The following PPFIBP1 variants were observed in gnomAD, a reference collection of about 807,000 sequenced individuals.
PPFIBP1 encodes the protein PPFIB scaffold protein 1, also known as liprin-beta-1.
In PPFIBP1, 112 loss-of-function variants were observed where a neutral mutation model predicts 137.8. The observed-to-expected ratio is 0.81, with a 90% CI of 0.70 to 0.95. The LOEUF (loss-of-function observed/expected upper bound fraction) is 0.95. Among genes scored for constraint, PPFIBP1 ranks in the 40% least tolerant of loss-of-function variants. The pLI is 0.00. For missense variants in PPFIBP1, 1,083 were observed against 1,196.6 expected, an observed-to-expected ratio of 0.91 and a Z score of 1.40; for synonymous variants, 378 against 417.3, an observed-to-expected ratio of 0.91 and a Z score of 1.15.
chr12:27,668,988 AT>A (rs987581630), intron 13 of PPFIBP1, among the ~76,000 whole-genome samples: 1 of 151,410 alleles, frequency 6.6e-6, no homozygotes, highest in Non-Finnish European at 1.5e-5. Context: ...TTTTAGTGTA[AT>A]TTTTTTTTGT....
At chr12:27,611,135 A>G (rs1333190293) in intron 2 of PPFIBP1, among the ~76,000 whole-genome samples, 3 of 152,206 alleles carry the variant, frequency 2.0e-5, no homozygotes, top group Non-Finnish European at 2.9e-5. Flanking sequence ...ATTGAATTTC[A>G]TTACTGGGGC....
intron 1 of PPFIBP1, among the ~76,000 whole-genome samples, chr12:27,550,231 C>T (rs1443834378): frequency 1.3e-5 from 2 of 152,126 alleles, no homozygotes; most frequent in Non-Finnish European, 1.5e-5. Context: ...TCCAAGGCTC[C>T]GGGTGGGGTG....
chr12:27,670,788 A>ATACT (rs57738136), intron 13 of PPFIBP1, among the ~76,000 whole-genome samples: 1 of 134,286 alleles, frequency 7.4e-6, no homozygotes, highest in East Asian at 2.1e-4. Context: ...CAAAAAAAAA[A>ATACT]AAAAAAAATA....
chr12:27,611,520 C>T (rs2055109949), intron 2 of PPFIBP1, among the ~76,000 whole-genome samples: 1 of 152,122 alleles, frequency 6.6e-6, no homozygotes. Context: ...ATGCTGAGGT[C>T]CTGGGGCTTA....
intron 2 of PPFIBP1, among the ~76,000 whole-genome samples, chr12:27,606,471 G>A (rs955778594): frequency 3.9e-5 from 6 of 152,150 alleles, no homozygotes; most frequent in Non-Finnish European, 7.3e-5. Flanking sequence ...CCATTTGATA[G>A]CTATTTTGAT....
At chr12:27,606,084 ATAAT>A (rs1022727264) in intron 2 of PPFIBP1, among the ~76,000 whole-genome samples, 6 of 152,356 alleles carry the variant, frequency 3.9e-5, no homozygotes, top group African/African-American at 9.6e-5. Context: ...GAAAGGATTA[ATAAT>A]TAATTAATAA....
At chr12:27,591,625 A>G (rs1346726666) in intron 2 of PPFIBP1, among the ~76,000 whole-genome samples, 2 of 152,226 alleles carry the variant, frequency 1.3e-5, no homozygotes, top group African/African-American at 4.8e-5. Context: ...TACTTGCAAC[A>G]ACAGTAATAA....
At chr12:27,612,747 T>C (rs1446384569) in intron 2 of PPFIBP1, among the ~76,000 whole-genome samples, 1 of 152,136 alleles carries the variant, frequency 6.6e-6, no homozygotes. Context: ...GGCCCTGAAA[T>C]ACAATCCTAT....
intron 4 of PPFIBP1, among the ~76,000 whole-genome samples, chr12:27,643,907 G>GA (rs2058285611): frequency 7.2e-6 from 1 of 138,832 alleles, no homozygotes; most frequent in Admixed American, 7.2e-5. Flanking sequence ...ACAGTACTGA[G>GA]AAAAATAAAT....
intron 1 of PPFIBP1, among the ~76,000 whole-genome samples, chr12:27,550,475 G>T (rs1592394271): frequency 6.6e-6 from 1 of 152,186 alleles, no homozygotes; most frequent in Non-Finnish European, 1.5e-5. Context: ...ACCATCTCCT[G>T]TACACAAGAC....
intron 1 of PPFIBP1, among the ~76,000 whole-genome samples, chr12:27,529,176 G>A (rs1944120503): frequency 1.3e-5 from 2 of 152,172 alleles, no homozygotes; most frequent in South Asian, 4.1e-4. Flanking sequence ...CCACCATCAC[G>A]TTTGGGGCTG....
At chr12:27,661,631 G>A (rs2059559366) in intron 11 of PPFIBP1, among the ~76,000 whole-genome samples, 1 of 152,192 alleles carries the variant, frequency 6.6e-6, no homozygotes, top group Admixed American at 6.5e-5. Flanking sequence ...GATGTCATCA[G>A]AACTTCTCTC....
Position 27,676,519 on chromosome 12 carries a change from C to G in PPFIBP1, c.1502C>G (p.Thr501Ser), listed in dbSNP as rs201179220. The G allele has an allele frequency of 1.2e-6, 2 of 1,610,188 alleles. No homozygotes were observed. Among genetic ancestry groups the G allele is most frequent in the Non-Finnish European group, 1.7e-6 (2 of 1,177,716 alleles). Residue 501 changes from threonine to serine, a missense_variant, in exon 18 of 30, where the codon ACT (threonine) becomes AGT (serine). Coordinates refer to ENST00000228425, the MANE Select transcript of PPFIBP1 (RefSeq NM_003622.4). ...TCCATGGATGACAACCCCTTCGGCA[C>G]TCGAAAAGTCAGATCTTCCTTTGGC... ...DTSMDDNPFG[T>S]RKVRSSFGRG...
At chr12:27,691,990 C>A in intron 28 of PPFIBP1, 62 bp downstream of exon 28, 2 of 1,350,814 alleles carry the variant, frequency 1.5e-6, no homozygotes, top group Non-Finnish European at 2.0e-6. Flanking sequence ...TAAATGGGAA[C>A]TTTGTATACT....
chr12:27,564,446 T>C (rs952914639), intron 1 of PPFIBP1, among the ~76,000 whole-genome samples: 1 of 152,216 alleles, frequency 6.6e-6, no homozygotes, highest in Non-Finnish European at 1.5e-5. Flanking sequence ...ATTTACCAAG[T>C]CTGGTCTTGT....
intron 2 of PPFIBP1, among the ~76,000 whole-genome samples, chr12:27,617,153 A>C (rs889933537): frequency 6.6e-6 from 1 of 152,238 alleles, no homozygotes; most frequent in African/African-American, 2.4e-5. Context: ...AAAGACATCC[A>C]ATAGAGGTGG....
At chr12:27,638,059 TG>T (rs2057811158) in intron 4 of PPFIBP1, among the ~76,000 whole-genome samples, 1 of 151,208 alleles carries the variant, frequency 6.6e-6, no homozygotes, top group Non-Finnish European at 1.5e-5. Context: ...CTGAGGGGAG[TG>T]GGGAATGGGA....
chr12:27,600,784 A>T (rs1251754412), intron 2 of PPFIBP1, among the ~76,000 whole-genome samples: 1 of 152,214 alleles, frequency 6.6e-6, no homozygotes, highest in African/African-American at 2.4e-5. Context: ...AGTACTTAAT[A>T]CTACTGAACT....
At chr12:27,548,050 TATAAC>T (rs1222473837) in intron 1 of PPFIBP1, 3 of 152,302 alleles carry the variant, frequency 2.0e-5, no homozygotes, top group African/African-American at 7.2e-5. Context: ...GGGAAGAGAT[TATAAC>T]TGCTTTGTGA....
Sources: gnomAD v4.1 joint callset for allele counts (sites outside exome capture counted in the v4.1 genomes callset) on GRCh38, gnomAD v4.1.1 for gene constraint, MANE v1.5 for transcripts, NCBI Gene and HGNC (gene_info 2026-07-23, HGNC 2026-07-21) for gene names.